Variants in GRM5 observed in about 807,000 individuals in gnomAD.
GRM5 encodes glutamate metabotropic receptor 5, also known as metabotropic glutamate receptor 5.
A neutral mutation model predicts 83.1 loss-of-function variants in GRM5; 19 were observed. The observed-to-expected ratio is 0.23, with a 90% CI of 0.16 to 0.34. GRM5 has a LOEUF of 0.34. Ranked by LOEUF, GRM5 falls within the 10% of genes least tolerant of loss-of-function variation. The pLI, the probability that GRM5 is intolerant of heterozygous loss-of-function variation, is 1.00. For synonymous variants in GRM5, 675 were observed against 633.6 expected (o/e 1.07, Z -0.98); for missense variants, 1,160 against 1,588.3 (o/e 0.73, Z 4.58).
At chr11:88,595,214 T>G (rs112411236) in intron 6 of GRM5, among the ~76,000 whole-genome samples, 5 of 152,320 alleles carry the variant, frequency 3.3e-5, no homozygotes, top group African/African-American at 1.2e-4. Context: ...GTAATTAGCA[T>G]AGCCATCATC....
At chr11:89,002,560 C>T (rs1245637930) in intron 2 of GRM5, among the ~76,000 whole-genome samples, 1 of 152,150 alleles carries the variant, frequency 6.6e-6, no homozygotes, top group Non-Finnish European at 1.5e-5. Context: ...TTCATTTATT[C>T]ATCTACTAAA....
intron 3 of GRM5, among the ~76,000 whole-genome samples, chr11:88,804,815 T>C (rs1943470946): frequency 1.3e-5 from 2 of 152,090 alleles, no homozygotes; most frequent in Non-Finnish European, 2.9e-5. Context: ...TATTGGAGAT[T>C]CAGAAACATA....
intron 3 of GRM5, among the ~76,000 whole-genome samples, chr11:88,836,427 G>A (rs1944096297): frequency 6.6e-6 from 1 of 152,182 alleles, no homozygotes; most frequent in African/African-American, 2.4e-5. Flanking sequence ...ATATATGTGT[G>A]TATATAAATC....
chr11:88,718,152 C>T (rs1045030477), intron 3 of GRM5, among the ~76,000 whole-genome samples: 2 of 151,818 alleles, frequency 1.3e-5, no homozygotes, highest in African/African-American at 4.8e-5. Context: ...AATTCTACTT[C>T]CTGATTTTAC....
chr11:89,012,283 T>C (rs1473180610), intron 2 of GRM5, among the ~76,000 whole-genome samples: 1 of 152,132 alleles, frequency 6.6e-6, no homozygotes, highest in Non-Finnish European at 1.5e-5. Context: ...CATATAATAC[T>C]TGCAAATAAA....
At chr11:88,984,943 G>A in intron 2 of GRM5, 2 of 586,690 alleles carry the variant, frequency 3.4e-6, no homozygotes, top group South Asian at 2.3e-5. Context: ...TTAATAATTT[G>A]ACTCACTTTT....
At chr11:88,701,423 G>T (rs1030776798) in intron 3 of GRM5, among the ~76,000 whole-genome samples, 3 of 152,098 alleles carry the variant, frequency 2.0e-5, no homozygotes, top group Non-Finnish European at 4.4e-5. Context: ...CATAGTCAAG[G>T]GTTCTTGGAA....
chr11:88,556,685 T>A (rs998996380), intron 8 of GRM5, among the ~76,000 whole-genome samples: 1 of 152,080 alleles, frequency 6.6e-6, no homozygotes, highest in Admixed American at 6.6e-5. Flanking sequence ...GTGAAATGAA[T>A]ATTTTTGTCC....
At chr11:88,605,098 A>T (rs1013005986) in intron 4 of GRM5, 134 bp from the exon 5 acceptor site, 13 of 669,094 alleles carry the variant, frequency 1.9e-5, no homozygotes, top group Admixed American at 1.8e-4. Flanking sequence ...ACCATGGGTA[A>T]CACTGAGAAA....
At chr11:88,837,329 A>T (rs1436353911) in intron 3 of GRM5, among the ~76,000 whole-genome samples, 1 of 152,134 alleles carries the variant, frequency 6.6e-6, no homozygotes, top group East Asian at 1.9e-4. Context: ...TGCCTGTGGG[A>T]CCTTGAGCAA....
intron 2 of GRM5, among the ~76,000 whole-genome samples, chr11:88,862,177 G>A (rs1378947401): frequency 2.0e-5 from 3 of 152,292 alleles, no homozygotes; most frequent in African/African-American, 7.2e-5. Context: ...TGAGGAGACA[G>A]TGATTGAAAA....
At chr11:88,935,450 T>C (rs1162186270) in intron 2 of GRM5, among the ~76,000 whole-genome samples, 1 of 151,934 alleles carries the variant, frequency 6.6e-6, no homozygotes, top group Non-Finnish European at 1.5e-5. Context: ...GCAAGTTACA[T>C]TGCTAAAAAG....
chr11:88,734,995 C>T (rs1941883158), intron 3 of GRM5, among the ~76,000 whole-genome samples: 1 of 151,996 alleles, frequency 6.6e-6, no homozygotes, highest in African/African-American at 2.4e-5. Context: ...GTTCTCTAAT[C>T]TACTCATAAA....
At chr11:88,816,219 CAAAAAAA>C (rs1183223330) in intron 3 of GRM5, among the ~76,000 whole-genome samples, 3 of 44,970 alleles carry the variant, frequency 6.7e-5, no homozygotes, top group Non-Finnish European at 1.2e-4. Flanking sequence ...GACTCCGTCT[CAAAAAAA>C]AAAAAAAAAA....
chr11:88,746,941 T>G (rs1344767659), intron 3 of GRM5, among the ~76,000 whole-genome samples: 4 of 151,946 alleles, frequency 2.6e-5, no homozygotes, highest in African/African-American at 9.7e-5. Context: ...AACTTTCAGG[T>G]ATACAGAATA....
intron 8 of GRM5, among the ~76,000 whole-genome samples, chr11:88,541,698 G>A (rs748755894): frequency 7.3e-5 from 11 of 151,674 alleles, no homozygotes; most frequent in Admixed American, 2.6e-4. Flanking sequence ...TTTTCTTTTC[G>A]CATAATGGAA....
chr11:88,891,122 G>A (rs1443452647), intron 2 of GRM5, among the ~76,000 whole-genome samples: 1 of 152,010 alleles, frequency 6.6e-6, no homozygotes, highest in Admixed American at 6.6e-5. Flanking sequence ...TATAAAAAAG[G>A]TTTGTAAGGA....
intron 2 of GRM5, among the ~76,000 whole-genome samples, chr11:88,915,939 G>A (rs891352396): frequency 1.3e-5 from 2 of 152,084 alleles, no homozygotes; most frequent in African/African-American, 4.8e-5. Context: ...TTTTACTTAA[G>A]TAAAGAAAAC....
At chr11:88,648,154 T>C (rs1939515662) in intron 4 of GRM5, among the ~76,000 whole-genome samples, 2 of 152,120 alleles carry the variant, frequency 1.3e-5, no homozygotes, top group African/African-American at 4.8e-5. Flanking sequence ...CATTACTGGG[T>C]ATATACCCAA....
Sources: gnomAD v4.1 joint callset for allele counts (sites outside exome capture counted in the v4.1 genomes callset) on GRCh38, gnomAD v4.1.1 for gene constraint, MANE v1.5 for transcripts, NCBI Gene and HGNC (gene_info 2026-07-23, HGNC 2026-07-21) for gene names.